SLC30A8: variants seen among roughly 807,000 people sequenced by gnomAD.
SLC30A8 encodes the protein proton-coupled zinc antiporter SLC30A8.
Under a neutral mutation model 36.9 loss-of-function variants are expected in SLC30A8, and 27 were observed. The observed-to-expected ratio is 0.73, with a 90% CI of 0.54 to 1.01. The LOEUF (loss-of-function observed/expected upper bound fraction) is 1.01, where lower values mean the gene tolerates loss of function less well. SLC30A8 is among the 50% of genes least tolerant of loss of function. SLC30A8 has a pLI of 0.00. For synonymous variants in SLC30A8, 164 were observed against 172.4 expected, an observed-to-expected ratio of 0.95 and a Z score of 0.38; for missense variants, 439 against 452.0, an observed-to-expected ratio of 0.97 and a Z score of 0.26.
intron 1 of SLC30A8, among the ~76,000 whole-genome samples, chr8:117,144,029 T>C (rs976097545): frequency 1.3e-5 from 2 of 152,092 alleles, no homozygotes; most frequent in African/African-American, 4.8e-5. Context: ...AATAAAGCAA[T>C]GCTTCATATG....
chr8:116,958,368 C>T (rs951391979), intron 1 of SLC30A8, among the ~76,000 whole-genome samples: 7 of 150,806 alleles, frequency 4.6e-5, no homozygotes, highest in African/African-American at 1.7e-4. Flanking sequence ...TGCAGGTAAG[C>T]TGATAATGAA....
chr8:117,131,075 G>C (rs963049288), upstream of SLC30A8, among the ~76,000 whole-genome samples: 2 of 151,674 alleles, frequency 1.3e-5, no homozygotes, highest in African/African-American at 2.4e-5. Context: ...TCAATCGCTT[G>C]AAAAATAGAA....
intron 2 of SLC30A8, among the ~76,000 whole-genome samples, chr8:117,045,079 A>G (rs1436421278): frequency 1.3e-5 from 2 of 152,234 alleles, no homozygotes; most frequent in Admixed American, 1.3e-4. Context: ...TCTTTTGGAA[A>G]AGGCAAAATT....
rs181760251 is a variant in SLC30A8 at position 117,093,260 on chromosome 8, G to A, written c.-225-42020G>A. On this transcript the variant is annotated intron_variant, in intron 2 of 10. Transcript: ENST00000427715. ...TTAGACCATGGCTTGACAGCTTCTG[G>A]ACCCACAATTTCAGCAACGTTTAAA... 4.5e-3 allele frequency among the ~76,000 whole-genome samples: 677 copies of A among 152,030 alleles called. 2 individuals carry two copies. Among genetic ancestry groups the A allele is most frequent in the Non-Finnish European group, 7.8e-3 (528 of 67,976 alleles).
chr8:116,953,921 G>A (rs1310741994), intron 1 of SLC30A8, among the ~76,000 whole-genome samples: 1 of 152,110 alleles, frequency 6.6e-6, no homozygotes, highest in Non-Finnish European at 1.5e-5. Context: ...CTTTGAATAA[G>A]CATCTCTCTG....
chr8:117,164,555 C>CA (rs1822965036), intron 6 of SLC30A8, among the ~76,000 whole-genome samples: 1 of 152,064 alleles, frequency 6.6e-6, no homozygotes, highest in Non-Finnish European at 1.5e-5. Context: ...GCCTGGGTGA[C>CA]AGAGTAAGAC....
At chr8:116,952,109 A>G (rs1337320124) in intron 1 of SLC30A8, among the ~76,000 whole-genome samples, 3 of 152,088 alleles carry the variant, frequency 2.0e-5, no homozygotes, top group Admixed American at 6.5e-5. Context: ...CAGCTCATAG[A>G]AGGTGCTAGA....
At chr8:117,155,398 T>A (rs2130992239) in intron 3 of SLC30A8, among the ~76,000 whole-genome samples, 1 of 152,278 alleles carries the variant, frequency 6.6e-6, no homozygotes. Context: ...CAACCTCCAT[T>A]TCCGGCTAAC....
chr8:116,994,151 A>G (rs1446763474), intron 1 of SLC30A8, among the ~76,000 whole-genome samples: 1 of 152,112 alleles, frequency 6.6e-6, no homozygotes, highest in East Asian at 1.9e-4. Flanking sequence ...CACAGAAATG[A>G]TTCAAGGGAA....
intron 2 of SLC30A8, among the ~76,000 whole-genome samples, chr8:117,149,024 T>C (rs965697246): frequency 7.9e-5 from 12 of 152,354 alleles, no homozygotes; most frequent in Admixed American, 3.3e-4. Flanking sequence ...TTTCCCCTCA[T>C]TTCAATATTT....
At chr8:117,005,179 C>A (rs1816136815) in intron 1 of SLC30A8, among the ~76,000 whole-genome samples, 1 of 152,170 alleles carries the variant, frequency 6.6e-6, no homozygotes, top group African/African-American at 2.4e-5. Flanking sequence ...AAACCCGTTC[C>A]CTCTCCCTCT....
intron 6 of SLC30A8, among the ~76,000 whole-genome samples, chr8:117,168,341 C>G (rs1007421076): frequency 6.6e-6 from 1 of 152,088 alleles, no homozygotes; most frequent in African/African-American, 2.4e-5. Flanking sequence ...TCATTCTTTT[C>G]TACTCTAATA....
intron 1 of SLC30A8, among the ~76,000 whole-genome samples, chr8:116,985,655 C>T (rs1467503488): frequency 6.6e-6 from 1 of 151,880 alleles, no homozygotes; most frequent in Non-Finnish European, 1.5e-5. Flanking sequence ...ACAAATTCTT[C>T]TTTAAAAATG....
intron 3 of SLC30A8, among the ~76,000 whole-genome samples, chr8:117,155,841 C>T (rs1187948134): frequency 1.3e-5 from 2 of 152,076 alleles, no homozygotes; most frequent in Non-Finnish European, 2.9e-5. Flanking sequence ...GAAACTTTGT[C>T]ATTCCTTAGC....
Position 117,172,621 on chromosome 8 carries a change from G to A in SLC30A8, c.1050G>A (p.Gln350=). The change falls in exon 8 of 8, where the codon CAG becomes CAA. Residue 350 remains glutamine (Q), a synonymous_variant. Coordinates refer to ENST00000456015, the MANE Select transcript of SLC30A8 (RefSeq NM_173851.3). ...KSFTMHSLTI[Q]MESPVDQDPD... is the part of the protein sequence containing the mutation. ...TTACGATGCACTCACTCACCATTCAGATGGAATCTCCAGTTGACCAGGACC... is the reference window on the plus strand; with the variant it reads ...TTACGATGCACTCACTCACCATTCAAATGGAATCTCCAGTTGACCAGGACC... 1 of 1,613,754 alleles carries A rather than the reference G, an allele frequency of 6.2e-7. No individual in the cohort carries two copies. The highest frequency in any genetic ancestry group is 8.5e-7 in the Non-Finnish European group (1 of 1,179,730).
intron 1 of SLC30A8, among the ~76,000 whole-genome samples, chr8:117,000,334 A>G (rs1815970077): frequency 1.3e-5 from 2 of 152,168 alleles, no homozygotes. Context: ...GAAGATTTTT[A>G]GTCAGTCCAC....
At chr8:116,964,255 G>T (rs2130600623) in intron 1 of SLC30A8, among the ~76,000 whole-genome samples, 2 of 152,284 alleles carry the variant, frequency 1.3e-5, no homozygotes, top group African/African-American at 4.8e-5. Context: ...GCACGCTGAT[G>T]CTGGTTGTTG....
intron 2 of SLC30A8, among the ~76,000 whole-genome samples, chr8:117,114,249 T>G (rs1035554428): frequency 1.3e-5 from 2 of 152,186 alleles, no homozygotes; most frequent in African/African-American, 4.8e-5. Flanking sequence ...GAAATGAGAT[T>G]AGGATTTGAA....
At chr8:117,051,835 AT>A (rs1817719582) in intron 2 of SLC30A8, among the ~76,000 whole-genome samples, 1 of 151,868 alleles carries the variant, frequency 6.6e-6, no homozygotes, top group African/African-American at 2.4e-5. Context: ...AATAAAAAAA[AT>A]AAAAAAACCG....
Sources: allele counts gnomAD v4.1 joint callset (sites outside exome capture counted in the v4.1 genomes callset), GRCh38; gene constraint gnomAD v4.1.1; transcripts MANE v1.5; gene names NCBI Gene and HGNC (gene_info 2026-07-23, HGNC 2026-07-21).